ZNF365: variants seen among roughly 807,000 people sequenced by gnomAD.
ZNF365 encodes protein ZNF365.
In ZNF365, 22 loss-of-function variants were observed where a neutral mutation model predicts 35.0. That is an observed-to-expected ratio of 0.63 (90% CI 0.45 to 0.90). ZNF365 has a LOEUF of 0.90. Among genes scored for constraint, ZNF365 ranks in the 40% least tolerant of loss-of-function variants. ZNF365 has a pLI of 0.00. For synonymous variants in ZNF365, 188 were observed against 196.2 expected, an observed-to-expected ratio of 0.96 and a Z score of 0.35; for missense variants, 448 against 500.3, an observed-to-expected ratio of 0.90 and a Z score of 1.00.
rs778484504 is a variant in ZNF365, at chr10:62,376,606, C to G, written c.413C>G (p.Ser138Trp). 3.1e-6 allele frequency: 5 copies of G among 1,614,156 alleles called. No individual in the cohort carries two copies. The highest frequency in any genetic ancestry group is 4.2e-6 in the Non-Finnish European group (5 of 1,180,030). Residue 138 changes from serine (S) to tryptophan (W), a missense_variant, in exon 2 of 5, where the codon TCG becomes TGG. By Grantham distance (177) the Ser-to-Trp change is radical (BLOSUM62 -3). Around this residue, in one of 3 missense-constraint regions of ZNF365, gnomAD observed 362 missense variants for 375.7 expected, o/e 0.96. Coordinates refer to ENST00000395254, the MANE Select transcript of ZNF365 (RefSeq NM_014951.3). ...TYTAMDLHAD[S>W]LDGTRSGPGL... is the part of the protein sequence containing the mutation. The stretch of plus-strand genomic sequence containing the variant: ...ACTGCCATGGACCTCCATGCAGACT[C>G]GCTGGATGGGACACGGTCGGGTCCT...
intron 3 of ZNF365, among the ~76,000 whole-genome samples, chr10:62,422,874 G>T (rs966294173): frequency 6.6e-6 from 1 of 152,104 alleles, no homozygotes; most frequent in African/African-American, 2.4e-5. Context: ...ACTAAGTTGT[G>T]TGAGTACCTG....
intron 4 of ZNF365, among the ~76,000 whole-genome samples, chr10:62,462,925 A>G (rs1431973828): frequency 1.3e-5 from 2 of 152,234 alleles, no homozygotes; most frequent in Non-Finnish European, 2.9e-5. Flanking sequence ...GATATGTCCC[A>G]TGAAAATACA....
intron 4 of ZNF365, among the ~76,000 whole-genome samples, chr10:62,471,540 A>G (rs1177391274): frequency 6.6e-6 from 1 of 152,356 alleles, no homozygotes; most frequent in East Asian, 1.9e-4. Flanking sequence ...GAATAGCGAA[A>G]GGCAGTATGC....
At chr10:62,429,510 C>G (rs1034438645) in intron 3 of ZNF365, among the ~76,000 whole-genome samples, 2 of 152,140 alleles carry the variant, frequency 1.3e-5, no homozygotes, top group Admixed American at 6.6e-5. Context: ...AATAAATGTA[C>G]TTAACTGTTA....
chr10:62,375,282 AC>A (rs1410248975), intron 1 of ZNF365, among the ~76,000 whole-genome samples: 1 of 152,208 alleles, frequency 6.6e-6, no homozygotes, highest in Non-Finnish European at 1.5e-5. Flanking sequence ...TACCTGGTTC[AC>A]ACACTGACCA....
chr10:62,397,450 C>G (rs1159812773), intron 3 of ZNF365, among the ~76,000 whole-genome samples: 2 of 152,212 alleles, frequency 1.3e-5, no homozygotes, highest in African/African-American at 2.4e-5. Flanking sequence ...TTTGTCGTTT[C>G]TCTTCTTCTG....
downstream of ZNF365, among the ~76,000 whole-genome samples, chr10:62,406,057 G>C (rs1030152946): frequency 2.4e-4 from 37 of 152,336 alleles, no homozygotes; most frequent in African/African-American, 8.9e-4. Flanking sequence ...GTAAGGGCAA[G>C]AGGAGTGGAC....
intron 3 of ZNF365, among the ~76,000 whole-genome samples, chr10:62,455,541 T>A (rs1840748518): frequency 6.6e-6 from 1 of 152,042 alleles, no homozygotes; most frequent in South Asian, 2.1e-4. Flanking sequence ...TATATGTATA[T>A]GTACATATAC....
intron 4 of ZNF365, among the ~76,000 whole-genome samples, chr10:62,471,696 G>T (rs1841041860): frequency 6.6e-6 from 1 of 152,132 alleles, no homozygotes; most frequent in Non-Finnish European, 1.5e-5. Context: ...AAAAAAATCT[G>T]CATGATTATT....
At chr10:62,406,366 G>C (rs185726240), downstream of ZNF365, among the ~76,000 whole-genome samples, 10 of 152,254 alleles carry the variant, frequency 6.6e-5, no homozygotes, top group Admixed American at 5.2e-4. Context: ...CCTATTCCTT[G>C]TAGGACTGAT....
At chr10:62,435,605 A>C (rs1304019045) in intron 3 of ZNF365, among the ~76,000 whole-genome samples, 1 of 152,214 alleles carries the variant, frequency 6.6e-6, no homozygotes, top group Admixed American at 6.5e-5. Context: ...GACTATGGAA[A>C]AATGGCTTGT....
In ZNF365 at chr10:62,401,345, A is replaced by T; in HGVS notation, c.*1556A>T. On this transcript the variant is annotated 3_prime_UTR_variant, in exon 5 of 5. Transcript: ENST00000395254. ...TGATTGTTACTGCAATAAGCATCAAATTAGCAGCGCATTAAAAATAGGAAA... is the reference window on the plus strand; with the variant it reads ...TGATTGTTACTGCAATAAGCATCAATTTAGCAGCGCATTAAAAATAGGAAA... 1.1e-5 allele frequency: 11 copies of T among 985,568 alleles called. No individual in the cohort carries two copies. Among genetic ancestry groups the T allele is most frequent in the Non-Finnish European group, 1.3e-5 (11 of 829,940 alleles). 61.1% of individuals were successfully genotyped at this position (985,568 alleles called of 1,614,324 possible).
intron 3 of ZNF365, among the ~76,000 whole-genome samples, chr10:62,452,696 A>G (rs1840702506): frequency 6.6e-6 from 1 of 152,378 alleles, no homozygotes; most frequent in South Asian, 2.1e-4. Flanking sequence ...CATGCCTGCA[A>G]TGGATCTCTT....
At chr10:62,393,942 G>A (rs1769814970) in intron 3 of ZNF365, among the ~76,000 whole-genome samples, 1 of 151,986 alleles carries the variant, frequency 6.6e-6, no homozygotes, top group Admixed American at 6.6e-5. Flanking sequence ...AGGCAGATGT[G>A]GTTTCCCCTT....
At chr10:62,463,284 CCTT>C (rs1485037906) in intron 4 of ZNF365, among the ~76,000 whole-genome samples, 1 of 152,214 alleles carries the variant, frequency 6.6e-6, no homozygotes, top group Admixed American at 6.5e-5. Flanking sequence ...GGTCACCTCA[CCTT>C]CTTGTCAAAG....
At chr10:62,463,399 T>C (rs1288919203) in intron 4 of ZNF365, among the ~76,000 whole-genome samples, 1 of 152,204 alleles carries the variant, frequency 6.6e-6, no homozygotes, top group Non-Finnish European at 1.5e-5. Flanking sequence ...TACCTTAAGT[T>C]TTAGTAATTG....
chr10:62,454,638 T>TG (rs1315025204), intron 3 of ZNF365, among the ~76,000 whole-genome samples: 1 of 152,084 alleles, frequency 6.6e-6, no homozygotes, highest in African/African-American at 2.4e-5. Context: ...CATGTTTTTT[T>TG]TTCTTTGCTT....
At chr10:62,474,934 T>A (rs1317767962) in intron 4 of ZNF365, among the ~76,000 whole-genome samples, 1 of 152,212 alleles carries the variant, frequency 6.6e-6, no homozygotes, top group Non-Finnish European at 1.5e-5. Context: ...TTCCTTTAAC[T>A]GTCTCAATTT....
At chr10:62,374,870 C>T (rs1287269164) in intron 1 of ZNF365, among the ~76,000 whole-genome samples, 1 of 152,194 alleles carries the variant, frequency 6.6e-6, no homozygotes, top group Non-Finnish European at 1.5e-5. Flanking sequence ...CCTTTCCTTA[C>T]CTCTTGTCAG....
Sources: gnomAD v4.1 joint callset for allele counts (sites outside exome capture counted in the v4.1 genomes callset) on GRCh38, gnomAD v4.1.1 for gene constraint, gnomAD v4.1.1 regional missense constraint, MANE v1.5 for transcripts, NCBI Gene and HGNC (gene_info 2026-07-23, HGNC 2026-07-21) for gene names.